CLSTN2: variants seen among roughly 807,000 people sequenced by gnomAD.
CLSTN2 encodes calsyntenin 2, also known as calsyntenin-2.
A neutral mutation model predicts 101.2 loss-of-function variants in CLSTN2; 48 were observed. The ratio of observed to expected loss-of-function variants is 0.47; its 90% CI spans 0.38 to 0.60. The LOEUF is 0.60. Among genes scored for constraint, CLSTN2 ranks in the 20% least tolerant of loss-of-function variants. CLSTN2 has a pLI of 0.00. For synonymous variants in CLSTN2, 481 were observed against 463.6 expected (o/e 1.04, Z -0.48); for missense variants, 1,160 against 1,238.2 (o/e 0.94, Z 0.95).
intron 2 of CLSTN2, among the ~76,000 whole-genome samples, chr3:140,268,499 A>T (rs1559824214): frequency 6.6e-6 from 1 of 152,224 alleles, no homozygotes. Context: ...GGACACAGGC[A>T]GGCAGGACTG....
intron 1 of CLSTN2, among the ~76,000 whole-genome samples, chr3:140,123,302 C>T (rs2107800295): frequency 6.6e-6 from 1 of 152,112 alleles, no homozygotes; most frequent in East Asian, 1.9e-4. Flanking sequence ...CCCTCATGGC[C>T]TAATCACTTC....
At chr3:140,216,354 G>A (rs528254741) in intron 2 of CLSTN2, among the ~76,000 whole-genome samples, 1 of 152,280 alleles carries the variant, frequency 6.6e-6, no homozygotes, top group South Asian at 2.1e-4. Flanking sequence ...CACTAGTTCA[G>A]GAGGTGAGGA....
chr3:140,162,794 G>A (rs1414027095), intron 1 of CLSTN2, among the ~76,000 whole-genome samples: 1 of 152,160 alleles, frequency 6.6e-6, no homozygotes, highest in Non-Finnish European at 1.5e-5. Flanking sequence ...GCATTTTGCA[G>A]TGAATATACT....
rs376884636 is a variant in CLSTN2, at chr3:140,102,164, G to C, written c.110-73787G>C. Among the ~76,000 whole-genome samples the C allele has an allele frequency of 4.6e-5, 7 of 152,242 alleles. No homozygotes were observed. In the South Asian group the frequency reaches 1.0e-3, roughly 23 times the overall value. ...TCCTATAAACTGCTGTCTACAGTTG[G>C]GCCAATCATTCGTGATAAGGAAGGA... On this transcript the variant is annotated intron_variant, in intron 1 of 16. Coordinates refer to ENST00000458420, the MANE Select transcript of CLSTN2 (RefSeq NM_022131.3).
At chr3:140,102,881 C>CCAACCCTTCTGACCCTCAGTTTTCT (rs1173354838) in intron 1 of CLSTN2, among the ~76,000 whole-genome samples, 2 of 152,084 alleles carry the variant, frequency 1.3e-5, no homozygotes, top group African/African-American at 2.4e-5. Context: ...AGCAATTTAC[C>CCAACCCTTCTGACCCTCAGTTTTCT]CAACCCTTCT....
chr3:140,401,915 T>A (rs1438956367), intron 2 of CLSTN2, among the ~76,000 whole-genome samples: 1 of 152,078 alleles, frequency 6.6e-6, no homozygotes, highest in Non-Finnish European at 1.5e-5. Flanking sequence ...TGCCTAGTGA[T>A]CCCAAAAAAC....
At chr3:140,351,713 C>T (rs1228728134) in intron 2 of CLSTN2, among the ~76,000 whole-genome samples, 1 of 152,010 alleles carries the variant, frequency 6.6e-6, no homozygotes, top group Non-Finnish European at 1.5e-5. Context: ...GAGGCCCGAC[C>T]TCTGTTGGTG....
At chr3:140,324,690 T>C (rs887702444) in intron 2 of CLSTN2, among the ~76,000 whole-genome samples, 3 of 152,256 alleles carry the variant, frequency 2.0e-5, no homozygotes, top group Non-Finnish European at 2.9e-5. Context: ...GAATGCCCTC[T>C]TGACATGAAT....
At chr3:140,423,512 C>T (rs60820551) in intron 5 of CLSTN2, among the ~76,000 whole-genome samples, 4,864 of 152,238 alleles carry the variant, frequency 0.032, 224 homozygotes, top group African/African-American at 0.11. Context: ...TTCATAGTGT[C>T]GGGCACAGTG....
At chr3:140,340,370 T>C (rs2083560232) in intron 2 of CLSTN2, among the ~76,000 whole-genome samples, 1 of 152,220 alleles carries the variant, frequency 6.6e-6, no homozygotes, top group African/African-American at 2.4e-5. Flanking sequence ...TTAAAAAACA[T>C]AAGTGTAGAA....
chr3:140,096,713 C>A (rs2008874927), intron 1 of CLSTN2, among the ~76,000 whole-genome samples: 1 of 152,166 alleles, frequency 6.6e-6, no homozygotes, highest in Non-Finnish European at 1.5e-5. Flanking sequence ...ATATGGGAAG[C>A]CTGGCAGTTG....
At chr3:140,370,900 T>C (rs2087848061) in intron 2 of CLSTN2, among the ~76,000 whole-genome samples, 1 of 147,636 alleles carries the variant, frequency 6.8e-6, no homozygotes, top group Non-Finnish European at 1.5e-5. Context: ...ACCCCTAACC[T>C]GGACAAGCCA....
chr3:140,104,914 G>T (rs1200859937), intron 1 of CLSTN2, among the ~76,000 whole-genome samples: 2 of 152,230 alleles, frequency 1.3e-5, no homozygotes, highest in Non-Finnish European at 2.9e-5. Flanking sequence ...AGAGGCGGAG[G>T]TTGCAGTGAG....
At chr3:140,480,559 C>T (rs1392159257) in intron 8 of CLSTN2, among the ~76,000 whole-genome samples, 2 of 152,178 alleles carry the variant, frequency 1.3e-5, no homozygotes, top group Non-Finnish European at 2.9e-5. Flanking sequence ...TACAGTCCCG[C>T]CAACAGTGTA....
chr3:140,014,907 T>G (rs2007169033), intron 1 of CLSTN2, among the ~76,000 whole-genome samples: 1 of 152,126 alleles, frequency 6.6e-6, no homozygotes, highest in Admixed American at 6.5e-5. Flanking sequence ...TGAAATGAGA[T>G]CTTTGGCTCC....
intron 1 of CLSTN2, among the ~76,000 whole-genome samples, chr3:140,030,864 C>A (rs191160223): frequency 6.6e-6 from 1 of 152,192 alleles, no homozygotes; most frequent in African/African-American, 2.4e-5. Context: ...TTTGGTGGGA[C>A]GCATTATTAA....
chr3:140,392,144 G>A (rs1406056677), intron 2 of CLSTN2, among the ~76,000 whole-genome samples: 1 of 151,014 alleles, frequency 6.6e-6, no homozygotes, highest in Non-Finnish European at 1.5e-5. Flanking sequence ...ATTAGGTAGA[G>A]CAGCAGTATC....
At chr3:140,223,404 C>G (rs2086292334) in intron 2 of CLSTN2, among the ~76,000 whole-genome samples, 1 of 152,210 alleles carries the variant, frequency 6.6e-6, no homozygotes, top group African/African-American at 2.4e-5. Flanking sequence ...GCACCTGGAC[C>G]AGCCCCTTGT....
intron 1 of CLSTN2, among the ~76,000 whole-genome samples, chr3:140,130,571 CA>C (rs956540489): frequency 1.3e-5 from 2 of 152,048 alleles, no homozygotes; most frequent in African/African-American, 4.8e-5. Context: ...GGGAAAGATG[CA>C]AATACAAGAG....
Sources: allele counts gnomAD v4.1 joint callset (sites outside exome capture counted in the v4.1 genomes callset), GRCh38; gene constraint gnomAD v4.1.1; transcripts MANE v1.5; gene names NCBI Gene and HGNC (gene_info 2026-07-23, HGNC 2026-07-21).